Variants in CNBD1 observed in about 807,000 individuals in gnomAD.
CNBD1 encodes cyclic nucleotide binding domain containing 1.
Under a neutral mutation model 54.4 loss-of-function variants are expected in CNBD1, and 71 were observed. That is an observed-to-expected ratio of 1.30 (90% confidence interval 1.08 to 1.59). CNBD1 has a LOEUF of 1.59. Ranked by LOEUF, CNBD1 falls within the 40% of genes most tolerant of loss-of-function variation. CNBD1 has a pLI of 0.00. For synonymous variants in CNBD1, 182 were observed against 170.7 expected (o/e 1.07, Z -0.51); for missense variants, 659 against 518.0 (o/e 1.27, Z -2.64).
chr8:86,903,501 C>T (rs1808970080), intron 2 of CNBD1, among the ~76,000 whole-genome samples: 1 of 151,946 alleles, frequency 6.6e-6, no homozygotes, highest in Non-Finnish European at 1.5e-5. Context: ...ATGTAAGATG[C>T]ATATACATTA....
chr8:87,294,853 A>G (rs952292166), intron 8 of CNBD1, among the ~76,000 whole-genome samples: 5 of 152,078 alleles, frequency 3.3e-5, no homozygotes, highest in Non-Finnish European at 5.9e-5. Context: ...TTGATCATCT[A>G]AAGGTACAAA....
At chr8:87,403,049 G>T (rs1207560221) in intron 2 of CNBD1, among the ~76,000 whole-genome samples, 1 of 151,868 alleles carries the variant, frequency 6.6e-6, no homozygotes, top group Non-Finnish European at 1.5e-5. Context: ...TGAATTTATT[G>T]CTTTCTTAAT....
intron 1 of CNBD1, among the ~76,000 whole-genome samples, chr8:86,868,470 G>A (rs1808394661): frequency 6.6e-6 from 1 of 152,076 alleles, no homozygotes. Context: ...AGCCTCTTGA[G>A]TAGCTGGGAC....
chr8:87,241,323 T>G (rs1039811808), intron 6 of CNBD1, among the ~76,000 whole-genome samples: 1 of 134,656 alleles, frequency 7.4e-6, no homozygotes. Flanking sequence ...CAGGCTGGAG[T>G]GCAGTGGCGC....
At chr8:87,366,760 A>T (rs1044857372) in intron 10 of CNBD1, among the ~76,000 whole-genome samples, 1 of 151,992 alleles carries the variant, frequency 6.6e-6, no homozygotes, top group Non-Finnish European at 1.5e-5. Context: ...TAAGCTTTCT[A>T]TTTATTGTTC....
intron 8 of CNBD1, among the ~76,000 whole-genome samples, chr8:87,305,832 G>A (rs1270105869): frequency 1.3e-5 from 2 of 152,022 alleles, no homozygotes; most frequent in Non-Finnish European, 2.9e-5. Context: ...AACCCTTCTA[G>A]TCATTGGCTT....
intron 4 of CNBD1, among the ~76,000 whole-genome samples, chr8:87,140,006 C>T (rs1190446051): frequency 6.6e-6 from 1 of 151,946 alleles, no homozygotes; most frequent in African/African-American, 2.4e-5. Context: ...CATTATCTTA[C>T]TCATTATATT....
At chr8:87,266,092 C>G (rs62528086) in intron 6 of CNBD1, among the ~76,000 whole-genome samples, 6,873 of 151,706 alleles carry the variant, frequency 0.045, 206 homozygotes, top group Non-Finnish European at 0.064. Flanking sequence ...CAGAAGGGTT[C>G]AATATAGCTA....
At chr8:87,155,088 G>T (rs1375565328) in intron 4 of CNBD1, among the ~76,000 whole-genome samples, 1 of 152,128 alleles carries the variant, frequency 6.6e-6, no homozygotes. Flanking sequence ...TTCCTCTTTT[G>T]GGATTCAATA....
rs546106723 is a variant in CNBD1, at chr8:87,078,820, C to G, written c.432-127173C>G. On this transcript the variant is annotated intron_variant, in intron 4 of 10. Coordinates refer to ENST00000518476, the MANE Select transcript of CNBD1 (RefSeq NM_173538.3). ...TAAAGTGATATCCAATGACAGCAGTCAAATAATATGGTCTATAGGTATATA... is the reference window on the plus strand; with the variant it reads ...TAAAGTGATATCCAATGACAGCAGTGAAATAATATGGTCTATAGGTATATA... 5.9e-5 allele frequency among the ~76,000 whole-genome samples: 9 copies of G among 152,252 alleles called. No individual in the cohort carries two copies. The East Asian group carries it at 1.7e-3, about 29-fold the overall frequency.
intron 4 of CNBD1, among the ~76,000 whole-genome samples, chr8:87,028,923 C>T (rs945553309): frequency 6.6e-6 from 1 of 152,162 alleles, no homozygotes; most frequent in Admixed American, 6.5e-5. Flanking sequence ...ACAAGGCTTC[C>T]CTTTTCTCTA....
At chr8:87,142,282 G>A (rs1007192808) in intron 4 of CNBD1, among the ~76,000 whole-genome samples, 1 of 152,096 alleles carries the variant, frequency 6.6e-6, no homozygotes, top group African/African-American at 2.4e-5. Flanking sequence ...GTGAGGTTGG[G>A]AATAATCAGT....
chr8:87,378,858 A>G (rs7008159), intron 10 of CNBD1, among the ~76,000 whole-genome samples: 81,356 of 146,112 alleles, frequency 0.56, 24,372 homozygotes, highest in African/African-American at 0.76. Context: ...TCTCCTTGAA[A>G]AGGTCCTTCA....
chr8:86,866,977 C>T (rs1170850082), intron 1 of CNBD1, among the ~76,000 whole-genome samples: 2 of 152,102 alleles, frequency 1.3e-5, no homozygotes, highest in Admixed American at 1.3e-4. Flanking sequence ...ATAATTAATA[C>T]TTAATATTCT....
intron 4 of CNBD1, among the ~76,000 whole-genome samples, chr8:87,186,593 A>G (rs974334954): frequency 6.6e-6 from 1 of 152,162 alleles, no homozygotes; most frequent in Admixed American, 6.5e-5. Flanking sequence ...GAAACTAAAT[A>G]TAAGCAGCTC....
At chr8:87,011,483 T>G (rs1657852755) in intron 4 of CNBD1, among the ~76,000 whole-genome samples, 1 of 152,134 alleles carries the variant, frequency 6.6e-6, no homozygotes, top group Admixed American at 6.5e-5. Flanking sequence ...TCATAAAAGT[T>G]GGATAATTTT....
chr8:87,247,382 G>A (rs544767265), intron 6 of CNBD1, among the ~76,000 whole-genome samples: 13 of 152,136 alleles, frequency 8.5e-5, no homozygotes, highest in Non-Finnish European at 1.8e-4. Context: ...GACGGCCCTG[G>A]CTGTGTCTCT....
intron 4 of CNBD1, among the ~76,000 whole-genome samples, chr8:87,073,768 C>T (rs1049750634): frequency 2.0e-5 from 3 of 152,058 alleles, no homozygotes; most frequent in African/African-American, 4.8e-5. Context: ...AATGAGAGGG[C>T]TCACCTAGTC....
At chr8:86,988,393 G>A (rs149151290) in intron 4 of CNBD1, among the ~76,000 whole-genome samples, 1 of 151,514 alleles carries the variant, frequency 6.6e-6, no homozygotes, top group Non-Finnish European at 1.5e-5. Flanking sequence ...ATTTTTTGTG[G>A]GTACATGGTG....
Sources: allele counts gnomAD v4.1 joint callset (sites outside exome capture counted in the v4.1 genomes callset), GRCh38; gene constraint gnomAD v4.1.1; transcripts MANE v1.5; gene names NCBI Gene and HGNC (gene_info 2026-07-23, HGNC 2026-07-21).